TKTL1: variants seen among roughly 807,000 people sequenced by gnomAD.
TKTL1 encodes the protein transketolase like 1.
A neutral mutation model predicts 39.3 loss-of-function variants in TKTL1; 1 was observed. That is an observed-to-expected ratio of 0.03 (90% CI 0.01 to 0.12). The LOEUF is 0.12. Ranked by LOEUF, TKTL1 falls within the 10% of genes least tolerant of loss-of-function variation. The pLI is 1.00. For synonymous variants in TKTL1, 262 were observed against 193.8 expected (o/e 1.35, Z -2.92); for missense variants, 575 against 509.6 (o/e 1.13, Z -1.24).
At chrX:154,296,520 A>G (rs1402500745) in intron 1 of TKTL1, among the ~76,000 whole-genome samples, 1 of 110,522 alleles carries the variant, frequency 9.0e-6, no homozygotes, top group African/African-American at 3.3e-5. Context: ...AAAAATAAAA[A>G]ATGAGTCGGG....
intron 10 of TKTL1, 126 bp from the exon 11 acceptor site, chrX:154,327,465 G>A (rs1354564132): frequency 6.4e-6 from 4 of 620,720 alleles, no homozygotes; most frequent in Non-Finnish European, 1.1e-5. Context: ...GATTTTTTTA[G>A]TAGTGAGTTA....
At chrX:154,313,232 A>G (rs782643438) in intron 6 of TKTL1, among the ~76,000 whole-genome samples, 1 of 112,393 alleles carries the variant, frequency 8.9e-6, no homozygotes, top group South Asian at 3.7e-4. Context: ...TTGTGCATGA[A>G]ACTGCCACGA....
At chrX:154,319,142 A>G (rs782153645) in intron 7 of TKTL1, among the ~76,000 whole-genome samples, 1 of 112,063 alleles carries the variant, frequency 8.9e-6, no homozygotes, top group East Asian at 2.8e-4. Flanking sequence ...ACTTACATGA[A>G]TAAGTAGATG....
chrX:154,323,158 T>A, intron 8 of TKTL1, 49 bp from the exon 9 acceptor site: 11 of 1,190,384 alleles, frequency 9.2e-6, no homozygotes, highest in Non-Finnish European at 1.2e-5. Flanking sequence ...GGAGGGCAGG[T>A]TCCTAATGGG....
At chrX:154,324,117 C>T (rs781904074) in intron 9 of TKTL1, among the ~76,000 whole-genome samples, 2 of 110,397 alleles carry the variant, frequency 1.8e-5, no homozygotes, top group Non-Finnish European at 3.8e-5. Context: ...TTATTAGGTA[C>T]TTTTTTGTGT....
intron 5 of TKTL1, among the ~76,000 whole-genome samples, chrX:154,311,889 C>T (rs1478287420): frequency 3.6e-5 from 4 of 111,059 alleles, no homozygotes; most frequent in African/African-American, 9.9e-5. Flanking sequence ...CTGCCTCCCC[C>T]TCATATGCCC....
chrX:154,314,199 CTG>C lies in TKTL1; in HGVS notation c.865-972_865-971del, dbSNP rs782300373. Among the ~76,000 whole-genome samples the C allele has an allele frequency of 4.3e-3, 478 of 111,436 alleles. 1 individual carries two copies. The highest frequency in any genetic ancestry group is 6.6e-3 in the Non-Finnish European group (348 of 53,102). On this transcript the variant is annotated intron_variant, in intron 6 of 12. Transcript: ENST00000369915. Reference sequence around the variant, plus strand: ...CTTTATGAAAAGAGTAATTTCTAAACTGTTTCAAATTTTTCCAAATACGGAGG... The same window carrying C: ...CTTTATGAAAAGAGTAATTTCTAAACTTTCAAATTTTTCCAAATACGGAGG...
intron 5 of TKTL1, among the ~76,000 whole-genome samples, chrX:154,312,228 G>C (rs781794741): frequency 3.1e-3 from 345 of 112,415 alleles, no homozygotes; most frequent in African/African-American, 0.011. Context: ...GCCCTCAGGG[G>C]CATAGCTAGG....
intron 1 of TKTL1, among the ~76,000 whole-genome samples, chrX:154,300,465 C>T (rs955076114): frequency 8.9e-6 from 1 of 112,010 alleles, no homozygotes; most frequent in Non-Finnish European, 1.9e-5. Context: ...TGTAGTTTTT[C>T]TTGTAGCTGT....
At chrX:154,317,553 G>A (rs1382713632) in intron 7 of TKTL1, among the ~76,000 whole-genome samples, 1 of 112,429 alleles carries the variant, frequency 8.9e-6, no homozygotes, top group Non-Finnish European at 1.9e-5. Context: ...AGTATCTCTG[G>A]TTCTCTTGCA....
rs782776548 is a variant in TKTL1 at position 154,295,828 on chromosome X, G to A, written c.-32G>A. On this transcript the variant is annotated 5_prime_UTR_variant, in exon 1 of 13. The change creates a new upstream start codon in the 5' untranslated region. Coordinates refer to ENST00000369915, the MANE Select transcript of TKTL1 (RefSeq NM_012253.4). ...CTCTTCAGACGCCGGAGACGTAGGA[G>A]TGGGTCTTCAGACTCCAAAGGGGTT... 3 of 1,200,686 alleles carry A rather than the reference G, an allele frequency of 2.5e-6. No individual in the cohort carries two copies. The highest frequency in any genetic ancestry group is 1.8e-5 in the South Asian group (1 of 55,706).
chrX:154,323,436 TATTC>T, intron 9 of TKTL1, 99 bp downstream of exon 9: 1 of 948,910 alleles, frequency 1.1e-6, no homozygotes, highest in East Asian at 3.1e-5. Context: ...ATAAAAGTGA[TATTC>T]ATTATAGAAA....
At position 154,323,237 on chromosome X, in the gene TKTL1, A is replaced by G. The variant is rs1557171263; in HGVS notation, c.1217A>G (p.Glu406Gly). 8.3e-7 allele frequency: 1 copy of G among 1,211,056 alleles called. No homozygotes were observed. The highest frequency in any genetic ancestry group is 1.8e-5 in the South Asian group (1 of 56,904). Reference sequence around the variant, plus strand: ...GATGGTGCTTCCCAGATGGCCCTGGAGGATATAGCCATGTTCCGAACCATT... The same window carrying G: ...GATGGTGCTTCCCAGATGGCCCTGGGGGATATAGCCATGTTCCGAACCATT... Reference protein sequence around the residue: ...GDDGASQMALEDIAMFRTIPK... With the variant: ...GDDGASQMALGDIAMFRTIPK... The change falls in exon 9 of 13, where the codon GAG (glutamate) becomes GGG (glycine). Residue 406 changes from glutamate to glycine, a missense_variant. Coordinates refer to ENST00000369915, the MANE Select transcript of TKTL1 (RefSeq NM_012253.4).
chrX:154,305,740 A>G (rs887426152), intron 2 of TKTL1, among the ~76,000 whole-genome samples: 1 of 109,837 alleles, frequency 9.1e-6, no homozygotes, highest in Non-Finnish European at 1.9e-5. Flanking sequence ...AGAGGCAGGC[A>G]GCCTCAGTGA....
intron 6 of TKTL1, among the ~76,000 whole-genome samples, chrX:154,313,634 C>A (rs781831992): frequency 9.0e-6 from 1 of 111,240 alleles, no homozygotes; most frequent in Non-Finnish European, 1.9e-5. Flanking sequence ...AGAAAGGAGA[C>A]GGTATATCAA....
At chrX:154,301,442 G>C (rs782200812) in intron 1 of TKTL1, among the ~76,000 whole-genome samples, 1 of 111,533 alleles carries the variant, frequency 9.0e-6, no homozygotes, top group African/African-American at 3.3e-5. Context: ...ACTTGAACCC[G>C]GAAGGTGGAG....
intron 5 of TKTL1, among the ~76,000 whole-genome samples, chrX:154,311,819 C>A (rs1226704769): frequency 9.0e-6 from 1 of 111,418 alleles, no homozygotes; most frequent in Non-Finnish European, 1.9e-5. Flanking sequence ...TGGTACCCTC[C>A]GTTCAGTAAA....
At chrX:154,298,193 T>C (rs2067245615) in intron 1 of TKTL1, among the ~76,000 whole-genome samples, 1 of 111,153 alleles carries the variant, frequency 9.0e-6, no homozygotes, top group Non-Finnish European at 1.9e-5. Context: ...GAAGCGGTAT[T>C]AATGACTCCA....
intron 8 of TKTL1, among the ~76,000 whole-genome samples, chrX:154,322,434 A>G (rs1603354505): frequency 9.0e-6 from 1 of 110,901 alleles, no homozygotes; most frequent in African/African-American, 3.3e-5. Flanking sequence ...TGGGAGGCTG[A>G]GGCAGGAGAA....
Sources: gnomAD v4.1 joint callset for allele counts (sites outside exome capture counted in the v4.1 genomes callset) on GRCh38, gnomAD v4.1.1 for gene constraint, MANE v1.5 for transcripts, NCBI Gene and HGNC (gene_info 2026-07-23, HGNC 2026-07-21) for gene names.